The following R3HDM2 variants were observed in gnomAD, a reference collection of about 807,000 sequenced individuals.
The protein encoded by R3HDM2 is R3H domain containing 2, also known as R3H domain-containing protein 2.
Under a neutral mutation model 124.5 loss-of-function variants are expected in R3HDM2, and 38 were observed. That is an observed-to-expected ratio of 0.31 (90% CI 0.24 to 0.40). The LOEUF is 0.40. Ranked by LOEUF, R3HDM2 falls within the 10% of genes least tolerant of loss-of-function variation. R3HDM2 has a pLI of 1.00. For synonymous variants in R3HDM2, 391 were observed against 448.0 expected (o/e 0.87, Z 1.61); for missense variants, 869 against 1,236.9 (o/e 0.70, Z 4.46).
intron 10 of R3HDM2, 26 bp downstream of exon 10, chr12:57,295,373 T>C: frequency 6.7e-7 from 1 of 1,489,118 alleles, no homozygotes; most frequent in East Asian, 2.5e-5. Flanking sequence ...ACTCTCTATA[T>C]AGGCCCACCC....
chr12:57,392,867 C>T (rs887585303), intron 2 of R3HDM2, among the ~76,000 whole-genome samples: 3 of 149,674 alleles, frequency 2.0e-5, no homozygotes, highest in Non-Finnish European at 3.0e-5. Context: ...TGCAGTGGCA[C>T]GATTTTGGCT....
intron 1 of R3HDM2, among the ~76,000 whole-genome samples, chr12:57,403,072 G>A (rs1373396031): frequency 1.3e-5 from 2 of 151,996 alleles, no homozygotes; most frequent in Non-Finnish European, 2.9e-5. Flanking sequence ...AGAGCAAGAT[G>A]GGGCCAGGCA....
At chr12:57,279,655 A>C in intron 14 of R3HDM2, among the ~76,000 whole-genome samples, 1 of 151,830 alleles carries the variant, frequency 6.6e-6, no homozygotes, top group African/African-American at 2.4e-5. Flanking sequence ...TAATAATAAC[A>C]ATACATTTTT....
intron 2 of R3HDM2, among the ~76,000 whole-genome samples, chr12:57,347,116 T>C (rs370117184): frequency 1.3e-5 from 2 of 152,056 alleles, no homozygotes; most frequent in East Asian, 1.9e-4. Flanking sequence ...CTTGGTGGCA[T>C]AGGCCTACAG....
chr12:57,260,496 A>G (rs11831937), intron 19 of R3HDM2, among the ~76,000 whole-genome samples: 4,355 of 151,914 alleles, frequency 0.029, 217 homozygotes, highest in African/African-American at 0.098. Flanking sequence ...TAAGACCTAA[A>G]TCTTCATGGT....
In R3HDM2 at chr12:57,303,939, T is replaced by C. The variant is rs2051918399; in HGVS notation, c.166-722A>G. 2.0e-5 allele frequency among the ~76,000 whole-genome samples: 3 copies of C among 152,210 alleles called. No homozygotes were observed. The South Asian group carries it at 6.2e-4, about 32-fold the overall frequency. Reference sequence around the variant, plus strand: ...TTCTGCAAATGTCACTACCACAGCATGAAAGAGTGTTTTTTTCCCCCAATC... The same window carrying C: ...TTCTGCAAATGTCACTACCACAGCACGAAAGAGTGTTTTTTTCCCCCAATC... On this transcript the variant is annotated intron_variant, in intron 3 of 23. Transcript: ENST00000402412.
intron 1 of R3HDM2, among the ~76,000 whole-genome samples, chr12:57,417,049 C>T (rs1215674131): frequency 6.6e-6 from 1 of 151,548 alleles, no homozygotes; most frequent in Non-Finnish European, 1.5e-5. Context: ...ACCCAGGAGG[C>T]GGAGGTTGCA....
intron 2 of R3HDM2, among the ~76,000 whole-genome samples, chr12:57,310,710 GAAACC>G (rs2053721053): frequency 1.3e-5 from 2 of 151,928 alleles, no homozygotes; most frequent in South Asian, 4.1e-4. Context: ...ATTCACCTGT[GAAACC>G]ATCACCCCAA....
intron 2 of R3HDM2, among the ~76,000 whole-genome samples, chr12:57,385,109 G>A (rs1039306512): frequency 6.6e-6 from 1 of 151,730 alleles, no homozygotes; most frequent in Admixed American, 6.6e-5. Flanking sequence ...TCACAAGATC[G>A]AGCCACTGCA....
chr12:57,292,672 A>T lies in R3HDM2; in HGVS notation c.811-5T>A. ...ATCCTGCAATGGAACTCTGATCTAG[A>T]TCGATGAGCAGAATTAAGCTAGTTA... On this transcript the variant is annotated splice_polypyrimidine_tract_variant and splice_region_variant and intron_variant, in intron 10 of 23. Coordinates refer to ENST00000402412, the MANE Select transcript of R3HDM2 (RefSeq NM_001394031.1). The T allele has an allele frequency of 6.5e-7, 1 of 1,538,994 alleles. No homozygotes were observed. Among genetic ancestry groups the T allele is most frequent in the Non-Finnish European group, 8.8e-7 (1 of 1,138,222 alleles).
At chr12:57,258,510 A>G (rs2039776070) in intron 20 of R3HDM2, among the ~76,000 whole-genome samples, 1 of 151,656 alleles carries the variant, frequency 6.6e-6, no homozygotes, top group African/African-American at 2.4e-5. Context: ...ACGCCTGGCT[A>G]ATTTTTTTAT....
At chr12:57,356,612 T>C (rs913103723) in intron 2 of R3HDM2, among the ~76,000 whole-genome samples, 2 of 152,228 alleles carry the variant, frequency 1.3e-5, no homozygotes, top group African/African-American at 4.8e-5. Context: ...AGTTGGGAAG[T>C]GTTCCTCTAT....
At chr12:57,260,263 C>CAAAAAAAAAAAAAAAA (rs566868060) in intron 19 of R3HDM2, among the ~76,000 whole-genome samples, 600 of 31,556 alleles carry the variant, frequency 0.019, 196 homozygotes, top group Middle Eastern at 0.2. Flanking sequence ...GACCCTGCCT[C>CAAAAAAAAAAAAAAAA]AAAAAAAAAA....
intron 2 of R3HDM2, among the ~76,000 whole-genome samples, chr12:57,342,910 GA>G (rs1335230877): frequency 8.5e-5 from 13 of 152,110 alleles, no homozygotes; most frequent in African/African-American, 2.9e-4. Flanking sequence ...GACAGCACAG[GA>G]TACCAGTAGC....
At chr12:57,381,681 G>A (rs890125299) in intron 2 of R3HDM2, among the ~76,000 whole-genome samples, 3 of 146,550 alleles carry the variant, frequency 2.0e-5, no homozygotes, top group Non-Finnish European at 3.0e-5. Flanking sequence ...AAATGGTATC[G>A]ACTTCATAAA....
intron 2 of R3HDM2, among the ~76,000 whole-genome samples, chr12:57,386,953 G>A (rs2065924131): frequency 6.6e-6 from 1 of 151,722 alleles, no homozygotes; most frequent in Non-Finnish European, 1.5e-5. Flanking sequence ...ATGCACCTTT[G>A]GCACTCTGTA....
intron 2 of R3HDM2, among the ~76,000 whole-genome samples, chr12:57,310,926 C>T (rs779423101): frequency 1.3e-5 from 2 of 152,150 alleles, no homozygotes; most frequent in Non-Finnish European, 2.9e-5. Context: ...TTTTGAGATT[C>T]ACCAGGATTC....
At chr12:57,336,534 G>A (rs1285636733) in intron 2 of R3HDM2, among the ~76,000 whole-genome samples, 2 of 152,126 alleles carry the variant, frequency 1.3e-5, no homozygotes, top group Admixed American at 6.5e-5. Flanking sequence ...GAAGCTCAAG[G>A]CTATTATCCT....
At chr12:57,397,586 G>C (rs921927089) in intron 1 of R3HDM2, among the ~76,000 whole-genome samples, 2 of 152,106 alleles carry the variant, frequency 1.3e-5, no homozygotes, top group African/African-American at 2.4e-5. Context: ...AGTTGCGAAG[G>C]AATGGCCAGA....
Sources: allele counts gnomAD v4.1 joint callset (sites outside exome capture counted in the v4.1 genomes callset), GRCh38; gene constraint gnomAD v4.1.1; transcripts MANE v1.5; gene names NCBI Gene and HGNC (gene_info 2026-07-23, HGNC 2026-07-21).